Variants in SLC35F4 observed in about 807,000 individuals in gnomAD.
SLC35F4 encodes chromosome 14 open reading frame 36.
In SLC35F4, 24 loss-of-function variants were observed where a neutral mutation model predicts 44.2. That is an observed-to-expected ratio of 0.54 (90% CI 0.39 to 0.76). The LOEUF (loss-of-function observed/expected upper bound fraction) is 0.76. SLC35F4 is among the 30% of genes least tolerant of loss of function. The pLI is 0.00. For synonymous variants in SLC35F4, 238 were observed against 223.6 expected (o/e 1.06, Z -0.57); for missense variants, 562 against 586.1 (o/e 0.96, Z 0.42).
In SLC35F4 at chr14:57,714,778, A is replaced by C. The variant is rs184468730; in HGVS notation, c.104-120654T>G. On this transcript the variant is annotated intron_variant, in intron 1 of 7. Transcript: ENST00000556826. ...ACCCTGTGGGAGATTAGTGATAGAGAGATGCACTGGGTTTGGTATAAGCCC... is the reference window on the plus strand; with the variant it reads ...ACCCTGTGGGAGATTAGTGATAGAGCGATGCACTGGGTTTGGTATAAGCCC... Among the ~76,000 whole-genome samples, 20 of 152,302 alleles carry C rather than the reference A, an allele frequency of 1.3e-4. No homozygotes were observed. The East Asian group carries it at 3.5e-3, about 26-fold the overall frequency.
rs182802729 is a variant in SLC35F4 at position 57,748,347 on chromosome 14, C to T, written c.103+117376G>A. The stretch of plus-strand genomic sequence containing the variant: ...TCAATTTTTATCACATGTATAGGTT[C>T]ATATATTTACCGCCACAGTCAAGAT... On this transcript the variant is annotated intron_variant, in intron 1 of 7. Coordinates refer to ENST00000556826, the MANE Select transcript of SLC35F4 (RefSeq NM_001306087.2). Among the ~76,000 whole-genome samples the T allele has an allele frequency of 2.1e-3, 325 of 152,188 alleles. 3 individuals are homozygous for T. The highest frequency in any genetic ancestry group is 7.7e-3 in the African/African-American group (318 of 41,530).
intron 1 of SLC35F4, among the ~76,000 whole-genome samples, chr14:57,664,834 G>A (rs899456900): frequency 4.6e-5 from 7 of 152,094 alleles, no homozygotes; most frequent in Admixed American, 2.6e-4. Context: ...TGTCCTCCAG[G>A]CCTGTCCCAA....
chr14:57,703,519 T>G (rs535340579), intron 1 of SLC35F4, among the ~76,000 whole-genome samples: 55 of 152,328 alleles, frequency 3.6e-4, no homozygotes, highest in African/African-American at 1.3e-3. Context: ...TAGTGGCAAC[T>G]GCCAACAAGT....
At chr14:57,828,737 A>C (rs1884048125) in intron 1 of SLC35F4, among the ~76,000 whole-genome samples, 1 of 152,186 alleles carries the variant, frequency 6.6e-6, no homozygotes. Flanking sequence ...TAGGAGTTGG[A>C]CTGTTCTTTC....
At chr14:57,751,510 T>C (rs951572060) in intron 1 of SLC35F4, among the ~76,000 whole-genome samples, 4 of 152,230 alleles carry the variant, frequency 2.6e-5, no homozygotes, top group Non-Finnish European at 4.4e-5. Context: ...ACTGTATACA[T>C]GGAGATTTAC....
intron 1 of SLC35F4, among the ~76,000 whole-genome samples, chr14:57,931,512 T>C (rs1016663372): frequency 2.6e-5 from 4 of 152,190 alleles, no homozygotes; most frequent in Admixed American, 1.3e-4. Context: ...AGGATGTCAA[T>C]TTGGAAACTA....
intron 1 of SLC35F4, among the ~76,000 whole-genome samples, chr14:57,647,953 C>G (rs1041341540): frequency 6.6e-6 from 1 of 152,178 alleles, no homozygotes; most frequent in Admixed American, 6.6e-5. Context: ...CTCTCTGCTC[C>G]TTGACTTAAA....
At chr14:57,718,790 T>C (rs1235267462) in intron 1 of SLC35F4, among the ~76,000 whole-genome samples, 1 of 152,182 alleles carries the variant, frequency 6.6e-6, no homozygotes, top group Non-Finnish European at 1.5e-5. Flanking sequence ...ATTTTGTGGG[T>C]TGTCTCTTCA....
chr14:57,895,273 A>T (rs902441107), intron 1 of SLC35F4, among the ~76,000 whole-genome samples: 13 of 151,938 alleles, frequency 8.6e-5, no homozygotes, highest in African/African-American at 3.1e-4. Context: ...GATCCCAGAA[A>T]CTCCATGTAT....
At chr14:57,742,937 T>C (rs942461850) in intron 1 of SLC35F4, among the ~76,000 whole-genome samples, 14 of 152,340 alleles carry the variant, frequency 9.2e-5, no homozygotes, top group South Asian at 4.1e-4. Flanking sequence ...ACCGTTCAAC[T>C]ATATGGAATG....
chr14:57,938,026 C>A (rs1160462847), intron 1 of SLC35F4, among the ~76,000 whole-genome samples: 1 of 152,118 alleles, frequency 6.6e-6, no homozygotes, highest in Non-Finnish European at 1.5e-5. Flanking sequence ...TTGAAGCCAG[C>A]TGAAAATGCG....
intron 1 of SLC35F4, among the ~76,000 whole-genome samples, chr14:57,775,489 A>G (rs1654576659): frequency 6.6e-6 from 1 of 152,226 alleles, no homozygotes; most frequent in Non-Finnish European, 1.5e-5. Flanking sequence ...AGCTGAGGTC[A>G]ATATCAGTCC....
At chr14:57,582,305 C>T (rs2069340033) in intron 3 of SLC35F4, among the ~76,000 whole-genome samples, 1 of 152,154 alleles carries the variant, frequency 6.6e-6, no homozygotes, top group African/African-American at 2.4e-5. Context: ...GAGCCATCCT[C>T]ACACCTCAGC....
intron 1 of SLC35F4, among the ~76,000 whole-genome samples, chr14:57,760,407 T>A (rs991334823): frequency 2.0e-5 from 3 of 152,236 alleles, no homozygotes; most frequent in Admixed American, 2.0e-4. Context: ...TTTATGCCAA[T>A]ACCATACTGT....
intron 2 of SLC35F4, 39 bp from the exon 3 acceptor site, chr14:57,589,552 G>T (rs1480043237): frequency 3.3e-6 from 5 of 1,534,980 alleles, no homozygotes; most frequent in African/African-American, 2.8e-5. Context: ...AGGAAAGCAG[G>T]TTATGAAACA....
At chr14:57,915,288 G>A (rs1467999169) in intron 1 of SLC35F4, among the ~76,000 whole-genome samples, 2 of 152,098 alleles carry the variant, frequency 1.3e-5, no homozygotes, top group African/African-American at 2.4e-5. Flanking sequence ...GATCTTTCAA[G>A]TGTCTTCAGG....
intron 1 of SLC35F4, chr14:57,595,658 C>G (rs925670148): frequency 1.3e-5 from 2 of 152,122 alleles, no homozygotes; most frequent in South Asian, 4.1e-4. Flanking sequence ...TATGATCAAA[C>G]CTGCATTGTT....
intron 1 of SLC35F4, among the ~76,000 whole-genome samples, chr14:57,899,519 A>G (rs1377900857): frequency 6.6e-6 from 1 of 152,256 alleles, no homozygotes; most frequent in Non-Finnish European, 1.5e-5. Context: ...GTGCTACACA[A>G]GTGTACAAGA....
At chr14:57,700,352 G>T (rs2075502289) in intron 1 of SLC35F4, among the ~76,000 whole-genome samples, 1 of 151,600 alleles carries the variant, frequency 6.6e-6, no homozygotes, top group East Asian at 1.9e-4. Context: ...GATGAAGGAA[G>T]TTTACAAGGA....
Sources: allele counts gnomAD v4.1 joint callset (sites outside exome capture counted in the v4.1 genomes callset), GRCh38; gene constraint gnomAD v4.1.1; transcripts MANE v1.5; gene names NCBI Gene and HGNC (gene_info 2026-07-23, HGNC 2026-07-21).